The following ZXDA variants were observed in gnomAD, a reference collection of about 807,000 sequenced individuals.
ZXDA encodes zinc finger X-linked duplicated A.
ZXDA carries 5 observed loss-of-function variants against 10.1 expected under a neutral mutation model. The ratio of observed to expected loss-of-function variants is 0.50; its 90% CI spans 0.26 to 1.04. The LOEUF (loss-of-function observed/expected upper bound fraction) is 1.04. ZXDA is among the 50% of genes least tolerant of loss of function. The pLI is 0.14. For missense variants in ZXDA, 501 were observed against 672.4 expected (o/e 0.75, Z 2.82); for synonymous variants, 266 against 313.1 (o/e 0.85, Z 1.59).
At position 57,906,285 on chromosome X, in the gene ZXDA, C is replaced by T. The variant is rs2014362594; in HGVS notation, c.*1736G>A. On this transcript the variant is annotated 3_prime_UTR_variant, in exon 1 of 1. Transcript: ENST00000358697. ...ACACTGTAAAAAAGGAAAAGTAGAA[C>T]TACTTCTCACTAACACCTTATATAA... 8.9e-6 allele frequency among the ~76,000 whole-genome samples: 1 copy of T among 112,195 alleles called. No individual in the cohort carries two copies. The highest frequency in any genetic ancestry group is 1.9e-5 in the Non-Finnish European group (1 of 53,171).
At position 57,909,750 on chromosome X, in the gene ZXDA, C is replaced by T. The variant is rs781048780; in HGVS notation, c.671G>A (p.Arg224Gln). Residue 224 changes from arginine (R) to glutamine (Q), a missense_variant, in exon 1 of 1, where the codon CGG (arginine) becomes CAG (glutamine). Around this residue, in one of 5 missense-constraint regions of ZXDA, gnomAD observed 251 missense variants for 221.6 expected, o/e 1.13. Coordinates refer to ENST00000358697, the MANE Select transcript of ZXDA (RefSeq NM_007156.5). ...GGGCTCGGCTAGCAGGAGGTCGGAC[C>T]GCAGCTCTGGGCAGTCACCCGGGTG... ...AAHPGDCPEL[R>Q]SDLLLAEPAE... 24 of 1,193,108 alleles carry T rather than the reference C, an allele frequency of 2.0e-5. No individual in the cohort carries two copies. Among genetic ancestry groups the T allele is most frequent in the Non-Finnish European group, 2.6e-5 (23 of 887,247 alleles).
chrX:57,909,248 G>A lies in ZXDA; in HGVS notation c.1173C>T (p.Cys391=), dbSNP rs751455316. The A allele has an allele frequency of 8.3e-7, 1 of 1,212,099 alleles. No homozygotes were observed. Among genetic ancestry groups the A allele is most frequent in the South Asian group, 1.8e-5 (1 of 57,021 alleles). The change falls in exon 1 of 1, where the codon TGC becomes TGT. Residue 391 remains cysteine, a synonymous_variant. Transcript: ENST00000358697. ...ATGTCTTCTTGCAGCCAGAAAACGC[G>A]CACTGGTAAGGCCTCTCGGGTTCGA... is the stretch of plus-strand genomic sequence containing the variant. The part of the protein sequence containing the change: ...SHFEPERPYQ[C]AFSGCKKTFI...
rs753285065 is a variant in ZXDA at position 57,908,673 on chromosome X, G to T, written c.1748C>A (p.Ser583Tyr). The T allele has an allele frequency of 1.3e-4, 156 of 1,207,851 alleles. No individual in the cohort carries two copies. The highest frequency in any genetic ancestry group is 1.7e-4 in the Non-Finnish European group (151 of 894,675). ...GGTAAGTTCACTGCTGGGTGTAAGAGAATTTGCTGCTTCTAGCTGAGCTAA... is the reference window on the plus strand; with the variant it reads ...GGTAAGTTCACTGCTGGGTGTAAGATAATTTGCTGCTTCTAGCTGAGCTAA... Reference protein sequence around the residue: ...DLLAQLEAANSLTPSSELTSQ... With the variant: ...DLLAQLEAANYLTPSSELTSQ... Residue 583 changes from serine to tyrosine, a missense_variant, in exon 1 of 1, where the codon TCT becomes TAT. Ser to Tyr is a moderately radical substitution (Grantham distance 144). Around this residue, in one of 5 missense-constraint regions of ZXDA, gnomAD observed 171 missense variants for 262.7 expected, o/e 0.65. Coordinates refer to ENST00000358697, the MANE Select transcript of ZXDA (RefSeq NM_007156.5).
In ZXDA at chrX:57,908,997, T is replaced by G. The variant is rs551590797; in HGVS notation, c.1424A>C (p.Asp475Ala). ...AGGGCACATGAACCTCCGGTCATCG[T>G]CGTGCTTCCTTTTGTGCCTTAAGAG... ...SKLLRHKRKHDDDRRFMCPVE... is the reference protein window; with the variant it reads ...SKLLRHKRKHADDRRFMCPVE... Residue 475 changes from aspartate (D) to alanine (A), a missense_variant, in exon 1 of 1, where the codon GAC becomes GCC. Physicochemically the swap from Asp to Ala is moderately radical, Grantham distance 126 (BLOSUM62 -2). This residue lies in a region of ZXDA where 171 missense variants were observed against 262.7 expected (regional missense o/e 0.65). Coordinates refer to ENST00000358697, the MANE Select transcript of ZXDA (RefSeq NM_007156.5). 1 of 1,211,400 alleles carries G rather than the reference T, an allele frequency of 8.3e-7. No homozygotes were observed. Among genetic ancestry groups the G allele is most frequent in the South Asian group, 1.8e-5 (1 of 56,957 alleles).
rs375671723 is a variant in ZXDA, at chrX:57,909,678, A to G, written c.743T>C (p.Leu248Pro). 1.9e-4 allele frequency: 225 copies of G among 1,177,912 alleles called. No homozygotes were observed. Among genetic ancestry groups the G allele is most frequent in the African/African-American group, 1.4e-3 (79 of 56,887 alleles). Residue 248 changes from leucine (L) to proline (P), a missense_variant, in exon 1 of 1, where the codon CTG (leucine) becomes CCG (proline). Leu to Pro is a moderately conservative substitution (Grantham distance 98). Coordinates refer to ENST00000358697, the MANE Select transcript of ZXDA (RefSeq NM_007156.5). The stretch of plus-strand genomic sequence containing the variant: ...TCCGCGGGGGCCCAGGGCGGCGGCC[A>G]GGCCCTCCGCCTCCTCCTGGGGCGC... ...APAPQEEAEG[L>P]AAALGPRGLL... is the part of the protein sequence containing the mutation.
At position 57,906,108 on chromosome X, in the gene ZXDA, A is replaced by C. The variant is rs2014361127; in HGVS notation, c.*1913T>G. ...ATTGAATAAGTACAACCAACTTAAA[A>C]ATTATAAAGACAGTAAAGATGTATA... is the stretch of plus-strand genomic sequence containing the variant. On this transcript the variant is annotated 3_prime_UTR_variant, in exon 1 of 1. Transcript: ENST00000358697. 8.9e-6 allele frequency among the ~76,000 whole-genome samples: 1 copy of C among 112,149 alleles called. No individual in the cohort carries two copies. The highest frequency in any genetic ancestry group is 2.8e-4 in the East Asian group (1 of 3,605).
rs1309106438 is a variant in ZXDA at position 57,906,784 on chromosome X, G to A, written c.*1237C>T. 1.8e-5 allele frequency: 2 copies of A among 111,373 alleles called. No homozygotes were observed. Among genetic ancestry groups the A allele is most frequent in the Non-Finnish European group, 3.8e-5 (2 of 53,048 alleles). 9.2% of individuals were successfully genotyped at this position (111,373 alleles called of 1,213,427 possible). A position where few individuals can be genotyped will look rare whatever the true frequency, so the allele number is the denominator to read the frequency against. ...CCATAATTACCTCACAGGATTGTGA[G>A]GATCAAATATAATAGTTGTGAAAGT... On this transcript the variant is annotated 3_prime_UTR_variant, in exon 1 of 1. Transcript: ENST00000358697.
In ZXDA at chrX:57,905,679, A is replaced by T; in HGVS notation, c.*2342T>A. 8.9e-6 allele frequency among the ~76,000 whole-genome samples: 1 copy of T among 111,801 alleles called. No homozygotes were observed. On this transcript the variant is annotated 3_prime_UTR_variant, in exon 1 of 1. Coordinates refer to ENST00000358697, the MANE Select transcript of ZXDA (RefSeq NM_007156.5). Reference sequence around the variant, plus strand: ...AAAAAGAAATCTTTTGAAAAAATTGAACAAAAGAAACCATGTGAGCCCACG... The same window carrying T: ...AAAAAGAAATCTTTTGAAAAAATTGTACAAAAGAAACCATGTGAGCCCACG...
chrX:57,905,907 C>T lies in ZXDA; in HGVS notation c.*2114G>A, dbSNP rs2014359155. 9.0e-6 allele frequency among the ~76,000 whole-genome samples: 1 copy of T among 111,540 alleles called. No homozygotes were observed. The highest frequency in any genetic ancestry group is 1.9e-5 in the Non-Finnish European group (1 of 53,063). On this transcript the variant is annotated 3_prime_UTR_variant, in exon 1 of 1. Coordinates refer to ENST00000358697, the MANE Select transcript of ZXDA (RefSeq NM_007156.5). ...TATGACCCTTGCGTTCACCTCAGGC[C>T]TCTGCATTTTCTATAGGAAAATAAT...
At position 57,907,057 on chromosome X, in the gene ZXDA, T is replaced by C. The variant is rs1429773975; in HGVS notation, c.*964A>G. On this transcript the variant is annotated 3_prime_UTR_variant, in exon 1 of 1. Transcript: ENST00000358697. Reference sequence around the variant, plus strand: ...ATTGGTCTAATGGACATGTGGCCAATGCCACAAAAGAACTGTGTGTAGAAA... The same window carrying C: ...ATTGGTCTAATGGACATGTGGCCAACGCCACAAAAGAACTGTGTGTAGAAA... 1.8e-5 allele frequency: 2 copies of C among 112,968 alleles called. No individual in the cohort carries two copies. Among genetic ancestry groups the C allele is most frequent in the East Asian group, 5.6e-4 (2 of 3,563 alleles). 9.3% of individuals were successfully genotyped at this position (112,968 alleles called of 1,213,427 possible).
Position 57,907,987 on chromosome X carries a change from G to T in ZXDA, c.*34C>A, listed in dbSNP as rs771702393. 8.5e-7 allele frequency: 1 copy of T among 1,174,165 alleles called. No homozygotes were observed. Among genetic ancestry groups the T allele is most frequent in the Non-Finnish European group, 1.1e-6 (1 of 877,995 alleles). On this transcript the variant is annotated 3_prime_UTR_variant, in exon 1 of 1. Transcript: ENST00000358697. ...ATCCTCAAAATTGACTGTAATAAAA[G>T]TTAGCCACATGGCAAGGAATGAATA...
At position 57,909,664 on chromosome X, in the gene ZXDA, C is replaced by T. The variant is rs746752677; in HGVS notation, c.757G>A (p.Gly253Ser). ...CCAGAGCCCAGCAGTCCGCGGGGGCCCAGGGCGGCGGCCAGGCCCTCCGCC... is the reference window on the plus strand; with the variant it reads ...CCAGAGCCCAGCAGTCCGCGGGGGCTCAGGGCGGCGGCCAGGCCCTCCGCC... ...EEAEGLAAAL[G>S]PRGLLGSGPG... is the part of the protein sequence containing the mutation. Residue 253 changes from glycine to serine, a missense_variant, in exon 1 of 1, where the codon GGC becomes AGC. By Grantham distance (56) the Gly-to-Ser change is moderately conservative. Around this residue, in one of 5 missense-constraint regions of ZXDA, gnomAD observed 251 missense variants for 221.6 expected, o/e 1.13. Coordinates refer to ENST00000358697, the MANE Select transcript of ZXDA (RefSeq NM_007156.5). The T allele has an allele frequency of 8.5e-7, 1 of 1,183,023 alleles. No homozygotes were observed. Among genetic ancestry groups the T allele is most frequent in the South Asian group, 1.9e-5 (1 of 54,010 alleles).
In ZXDA at chrX:57,909,704, C is replaced by T; in HGVS notation, c.717G>A (p.Pro239=). ...LAEPAEPAPA[P]APQEEAEGLA... ...GGCCCTCCGCCTCCTCCTGGGGCGC[C>T]GGAGCAGGCGCGGGTTCTGCGGGCT... Residue 239 remains proline (P), a synonymous_variant, in exon 1 of 1, where the codon CCG becomes CCA. Coordinates refer to ENST00000358697, the MANE Select transcript of ZXDA (RefSeq NM_007156.5). 1 of 1,179,141 alleles carries T rather than the reference C, an allele frequency of 8.5e-7. No homozygotes were observed. The highest frequency in any genetic ancestry group is 1.7e-5 in the African/African-American group (1 of 57,191).
At position 57,908,908 on chromosome X, in the gene ZXDA, G is replaced by T. The variant is rs1240815597; in HGVS notation, c.1513C>A (p.Leu505Met). 8.3e-7 allele frequency: 1 copy of T among 1,211,760 alleles called. No homozygotes were observed. The highest frequency in any genetic ancestry group is 1.8e-5 in the South Asian group (1 of 56,982). The change falls in exon 1 of 1, where the codon CTG becomes ATG. Residue 505 changes from leucine (L) to methionine (M), a missense_variant. By Grantham distance (15) the Leu-to-Met change is conservative. Around this residue, in one of 5 missense-constraint regions of ZXDA, gnomAD observed 171 missense variants for 262.7 expected, o/e 0.65. Transcript: ENST00000358697. ...EHLKGHSITHLGTKPFVCPVA... is the reference protein window; with the variant it reads ...EHLKGHSITHMGTKPFVCPVA... Reference sequence around the variant, plus strand: ...GGACACACGAAAGGCTTTGTGCCCAGGTGGGTAATGCTGTGGCCTTTCAGA... The same window carrying T: ...GGACACACGAAAGGCTTTGTGCCCATGTGGGTAATGCTGTGGCCTTTCAGA...
In ZXDA at chrX:57,907,541, CT is replaced by C. The variant is rs201678022; in HGVS notation, c.*479del. On this transcript the variant is annotated 3_prime_UTR_variant, in exon 1 of 1. Coordinates refer to ENST00000358697, the MANE Select transcript of ZXDA (RefSeq NM_007156.5). ...GAAGAACCAACTCCTATTTTTAGCT[CT>C]TTTTTTTTGAGCTCTATCATTAGAT... 4.2e-4 allele frequency: 46 copies of C among 110,650 alleles called. 1 individual carries two copies. The highest frequency in any genetic ancestry group is 1.3e-3 in the African/African-American group (38 of 30,265). 9.1% of individuals were successfully genotyped at this position (110,650 alleles called of 1,213,427 possible). A position where few individuals can be genotyped will look rare whatever the true frequency, so the allele number is the denominator to read the frequency against.
In ZXDA at chrX:57,908,044, T is replaced by A; in HGVS notation, c.2377A>T (p.Thr793Ser). 1 of 1,209,283 alleles carries A rather than the reference T, an allele frequency of 8.3e-7. No individual in the cohort carries two copies. The highest frequency in any genetic ancestry group is 1.1e-6 in the Non-Finnish European group (1 of 894,203). The change falls in exon 1 of 1, where the codon ACT becomes TCT. Residue 793 changes from threonine to serine, a missense_variant. Thr to Ser is a moderately conservative substitution (Grantham distance 58). Coordinates refer to ENST00000358697, the MANE Select transcript of ZXDA (RefSeq NM_007156.5). ...SQKERNLITV[T>S]GSSFLV is the part of the protein sequence containing the mutation. ...CTTCATACCAAAAATGAGCTGCCAG[T>A]CACAGTGATAAGATTTCTTTCTTTC... is the stretch of plus-strand genomic sequence containing the variant.
In ZXDA at chrX:57,910,190, C is replaced by A; in HGVS notation, c.231G>T (p.Arg77Ser). The A allele has an allele frequency of 8.3e-7, 1 of 1,200,074 alleles. No individual in the cohort carries two copies. The highest frequency in any genetic ancestry group is 1.1e-6 in the Non-Finnish European group (1 of 893,046). ...RGPGPSLFAPRPHQPSGGGDD... is the reference protein window; with the variant it reads ...RGPGPSLFAPSPHQPSGGGDD... Reference sequence around the variant, plus strand: ...CGCCGCCGCCGCTAGGTTGATGGGGCCTCGGCGCGAACAGGCTTGGGCCAG... The same window carrying A: ...CGCCGCCGCCGCTAGGTTGATGGGGACTCGGCGCGAACAGGCTTGGGCCAG... Residue 77 changes from arginine to serine, a missense_variant, in exon 1 of 1, where the codon AGG (arginine) becomes AGT (serine). This residue lies in a region of ZXDA where 251 missense variants were observed against 221.6 expected (regional missense o/e 1.13). Transcript: ENST00000358697.
In ZXDA at chrX:57,905,861, T is replaced by C. The variant is rs2014358613; in HGVS notation, c.*2160A>G. On this transcript the variant is annotated 3_prime_UTR_variant, in exon 1 of 1. Coordinates refer to ENST00000358697, the MANE Select transcript of ZXDA (RefSeq NM_007156.5). ...ACAGAGTTTTAAGATATCTATATAGTTATGTATCTTAATGGATGCCTATGA... is the reference window on the plus strand; with the variant it reads ...ACAGAGTTTTAAGATATCTATATAGCTATGTATCTTAATGGATGCCTATGA... Among the ~76,000 whole-genome samples, 1 of 111,655 alleles carries C rather than the reference T, an allele frequency of 9.0e-6. No individual in the cohort carries two copies. The highest frequency in any genetic ancestry group is 3.3e-5 in the African/African-American group (1 of 30,734).
rs2014402387 is a variant in ZXDA, at chrX:57,909,694, C to A, written c.727G>T (p.Glu243Ter). 2 of 1,178,646 alleles carry A rather than the reference C, an allele frequency of 1.7e-6. No individual in the cohort carries two copies. Among genetic ancestry groups the A allele is most frequent in the Non-Finnish European group, 2.3e-6 (2 of 879,586 alleles). The change falls in exon 1 of 1, where the codon GAG becomes TAG. Residue 243 changes from glutamate (E) to a stop codon, truncating the protein, a stop_gained. Transcript: ENST00000358697. LOFTEE classifies it high-confidence loss of function. ...AEPAPAPAPQ[E>*]EAEGLAAALG... Reference sequence around the variant, plus strand: ...GCGGCGGCCAGGCCCTCCGCCTCCTCCTGGGGCGCCGGAGCAGGCGCGGGT... The same window carrying A: ...GCGGCGGCCAGGCCCTCCGCCTCCTACTGGGGCGCCGGAGCAGGCGCGGGT...
Sources: gnomAD v4.1 joint callset for allele counts (sites outside exome capture counted in the v4.1 genomes callset) on GRCh38, gnomAD v4.1.1 for gene constraint, gnomAD v4.1.1 regional missense constraint, MANE v1.5 for transcripts, NCBI Gene and HGNC (gene_info 2026-07-23, HGNC 2026-07-21) for gene names.